SPTLC3: variants seen among roughly 807,000 people sequenced by gnomAD.
The protein encoded by SPTLC3 is serine palmitoyltransferase long chain base subunit 3, also known as serine palmitoyltransferase 3.
SPTLC3 carries 36 observed loss-of-function variants against 59.3 expected under a neutral mutation model. That is an observed-to-expected ratio of 0.61 (90% CI 0.47 to 0.80). The LOEUF (loss-of-function observed/expected upper bound fraction) is 0.80, where lower values mean the gene tolerates loss of function less well. SPTLC3 is among the 30% of genes least tolerant of loss of function. The probability of loss-of-function intolerance (pLI) is 0.00; values close to 1 mark genes in which losing one functional copy is unlikely to be tolerated. For missense variants in SPTLC3, 625 were observed against 685.1 expected (o/e 0.91, Z 0.98); for synonymous variants, 257 against 240.8 (o/e 1.07, Z -0.62).
chr20:13,050,231 A>T (rs1289600523), intron 2 of SPTLC3: 1 of 152,236 alleles, frequency 6.6e-6, no homozygotes, highest in Non-Finnish European at 1.5e-5. Flanking sequence ...GATGGCTTAA[A>T]GTAAAAACAA....
At position 13,159,366 on chromosome 20, in the gene SPTLC3, G is replaced by A. The variant is rs1386179541; in HGVS notation, c.1416-637G>A. Among the ~76,000 whole-genome samples, 175 of 151,990 alleles carry A rather than the reference G, an allele frequency of 1.2e-3. 2 individuals are homozygous for A. The highest frequency in any genetic ancestry group is 1.8e-4 in the Non-Finnish European group (12 of 67,982). On this transcript the variant is annotated intron_variant, in intron 10 of 11. Transcript: ENST00000399002. The stretch of plus-strand genomic sequence containing the variant: ...AGTTTATTATCCCTGTGCATCCCTG[G>A]GCATGTTCATTCACATATGAAACAA...
intron 1 of SPTLC3, among the ~76,000 whole-genome samples, chr20:13,021,299 C>T (rs1215133281): frequency 6.6e-6 from 1 of 152,134 alleles, no homozygotes; most frequent in Non-Finnish European, 1.5e-5. Context: ...CTATTCTTTT[C>T]TAACTGCATA....
At chr20:13,113,582 A>C (rs1301174713) in intron 7 of SPTLC3, among the ~76,000 whole-genome samples, 1 of 152,246 alleles carries the variant, frequency 6.6e-6, no homozygotes, top group East Asian at 1.9e-4. Flanking sequence ...ATTCATATGT[A>C]GAATATAGAG....
chr20:13,112,278 C>T (rs1470161339), intron 7 of SPTLC3, among the ~76,000 whole-genome samples: 2 of 152,188 alleles, frequency 1.3e-5, no homozygotes, highest in Non-Finnish European at 2.9e-5. Flanking sequence ...ATCTGGCCCT[C>T]GGTACTGGCT....
chr20:13,143,936 C>A (rs1344854297), intron 9 of SPTLC3, among the ~76,000 whole-genome samples: 2 of 152,196 alleles, frequency 1.3e-5, no homozygotes, highest in Non-Finnish European at 2.9e-5. Flanking sequence ...TTGCTACCTC[C>A]AGCTTTTCCC....
Position 13,072,428 on chromosome 20 carries a change from A to C in SPTLC3, c.458+18A>C, listed in dbSNP as rs572605946. 6.4e-7 allele frequency: 1 copy of C among 1,553,800 alleles called. No individual in the cohort carries two copies. Among genetic ancestry groups the C allele is most frequent in the African/African-American group, 1.4e-5 (1 of 71,778 alleles). On this transcript the variant is annotated intron_variant, in intron 3 of 11. Coordinates refer to ENST00000399002, the MANE Select transcript of SPTLC3 (RefSeq NM_018327.4). ...ACGTTTAGGTGAGAGAACTTCTTGG[A>C]GGGGATTGGTGAAAAGAAAAACCTT...
intron 10 of SPTLC3, among the ~76,000 whole-genome samples, chr20:13,157,201 G>A (rs1320335148): frequency 6.6e-6 from 1 of 151,692 alleles, no homozygotes; most frequent in East Asian, 1.9e-4. Context: ...ACTTTAGGAG[G>A]CTGAGGCAGA....
At chr20:13,022,808 C>G (rs1419165491) in intron 1 of SPTLC3, among the ~76,000 whole-genome samples, 1 of 152,184 alleles carries the variant, frequency 6.6e-6, no homozygotes, top group South Asian at 2.1e-4. Flanking sequence ...TATACAGCAG[C>G]CAGTGCTGCT....
At chr20:13,010,192 C>T (rs534217651) in intron 1 of SPTLC3, among the ~76,000 whole-genome samples, 6 of 152,188 alleles carry the variant, frequency 3.9e-5, no homozygotes, top group Admixed American at 6.5e-5. Flanking sequence ...CAGGACATCC[C>T]GTGTCACTCT....
chr20:13,074,085 C>A (rs1305937472), intron 3 of SPTLC3: 3 of 662,682 alleles, frequency 4.5e-6, no homozygotes, highest in Non-Finnish European at 8.6e-6. Flanking sequence ...AGCTACCTGG[C>A]TGTTCATCCT....
chr20:13,111,672 C>A (rs1417719560), intron 7 of SPTLC3, among the ~76,000 whole-genome samples: 1 of 152,140 alleles, frequency 6.6e-6, no homozygotes, highest in Non-Finnish European at 1.5e-5. Context: ...GGGAGGGGAG[C>A]AAATAGCCCT....
chr20:13,133,617 C>T (rs1398415873), intron 9 of SPTLC3, among the ~76,000 whole-genome samples: 1 of 152,064 alleles, frequency 6.6e-6, no homozygotes, highest in Non-Finnish European at 1.5e-5. Context: ...ACCTGTAATC[C>T]CAGCTACTCT....
intron 1 of SPTLC3, among the ~76,000 whole-genome samples, chr20:13,028,817 AG>A (rs1986286314): frequency 6.6e-6 from 1 of 152,168 alleles, no homozygotes. Flanking sequence ...CTCTCACAAG[AG>A]TGTGATATTC....
chr20:13,079,844 G>A (rs1347122605), intron 4 of SPTLC3: 10 of 454,782 alleles, frequency 2.2e-5, no homozygotes, highest in Non-Finnish European at 4.6e-5. Context: ...ATGGAAAATG[G>A]GCAGGCACTC....
At position 13,167,171 on chromosome 20, in the gene SPTLC3, A is replaced by T. The variant is rs117836221; in HGVS notation, c.*2304A>T. ...TATGTCATATAGAATAAGGTTAATT[A>T]GGAGGGTGATTGTGAATAATGAGAT... is the stretch of plus-strand genomic sequence containing the variant. On this transcript the variant is annotated 3_prime_UTR_variant, in exon 12 of 12. Coordinates refer to ENST00000399002, the MANE Select transcript of SPTLC3 (RefSeq NM_018327.4). 6.6e-5 allele frequency: 10 copies of T among 152,328 alleles called. No homozygotes were observed. The South Asian group carries it at 2.1e-3, about 32-fold the overall frequency. The allele number at this position is 152,328 out of a possible 1,614,324, so 9.4% of individuals were successfully genotyped here.
intron 4 of SPTLC3, among the ~76,000 whole-genome samples, chr20:13,079,198 C>T (rs1988754181): frequency 6.6e-6 from 1 of 151,992 alleles, no homozygotes; most frequent in Non-Finnish European, 1.5e-5. Context: ...TAATTCTTCC[C>T]CAAACAAATA....
intron 11 of SPTLC3, among the ~76,000 whole-genome samples, chr20:13,163,605 G>A (rs1415269481): frequency 6.6e-6 from 1 of 151,916 alleles, no homozygotes; most frequent in African/African-American, 2.4e-5. Flanking sequence ...TAGAAAAACA[G>A]GGAAGAACAT....
intron 9 of SPTLC3, among the ~76,000 whole-genome samples, chr20:13,140,053 A>G (rs149544450): frequency 6.6e-6 from 1 of 152,312 alleles, no homozygotes; most frequent in Non-Finnish European, 1.5e-5. Flanking sequence ...GGAAGCAGAA[A>G]ATAGACCCTG....
chr20:13,138,969 AC>A (rs1351916621), intron 9 of SPTLC3, among the ~76,000 whole-genome samples: 1 of 152,152 alleles, frequency 6.6e-6, no homozygotes, highest in Non-Finnish European at 1.5e-5. Flanking sequence ...AGTGTATTTG[AC>A]TTTTTCATAC....
Sources: allele counts gnomAD v4.1 joint callset (sites outside exome capture counted in the v4.1 genomes callset), GRCh38; gene constraint gnomAD v4.1.1; transcripts MANE v1.5; gene names NCBI Gene and HGNC (gene_info 2026-07-23, HGNC 2026-07-21).